The following CCSER1 variants were observed in gnomAD, a reference collection of about 807,000 sequenced individuals.
CCSER1 encodes coiled-coil serine rich protein 1.
Under a neutral mutation model 82.0 loss-of-function variants are expected in CCSER1, and 41 were observed. That is an observed-to-expected ratio of 0.50 (90% CI 0.39 to 0.65). The LOEUF (loss-of-function observed/expected upper bound fraction) is 0.65. Ranked by LOEUF, CCSER1 falls within the 30% of genes least tolerant of loss-of-function variation. CCSER1 has a pLI of 0.00. For missense variants in CCSER1, 1,119 were observed against 1,064.2 expected, an observed-to-expected ratio of 1.05 and a Z score of -0.72; for synonymous variants, 414 against 383.9, an observed-to-expected ratio of 1.08 and a Z score of -0.92.
At chr4:90,408,958 A>G (rs979781841) in intron 4 of CCSER1, among the ~76,000 whole-genome samples, 2 of 152,242 alleles carry the variant, frequency 1.3e-5, no homozygotes, top group Non-Finnish European at 2.9e-5. Flanking sequence ...GCTGAAAACC[A>G]CAGCAGGAGA....
At chr4:90,407,955 C>T (rs532236122) in intron 4 of CCSER1, among the ~76,000 whole-genome samples, 36 of 152,250 alleles carry the variant, frequency 2.4e-4, no homozygotes, top group African/African-American at 5.1e-4. Flanking sequence ...ACTTTTCCAA[C>T]GGGCCTAACA....
chr4:90,780,382 A>G, intron 7 of CCSER1: 1 of 1,546,700 alleles, frequency 6.5e-7, no homozygotes, highest in African/African-American at 1.4e-5. Flanking sequence ...AAAATAATTC[A>G]AGCAAAATGC....
intron 1 of CCSER1, among the ~76,000 whole-genome samples, chr4:90,296,805 A>G (rs1732046014): frequency 6.6e-6 from 1 of 152,016 alleles, no homozygotes; most frequent in Non-Finnish European, 1.5e-5. Context: ...ATAGTTGTAG[A>G]TATGCGGCAT....
chr4:90,450,720 AC>A (rs1007201655), intron 4 of CCSER1, among the ~76,000 whole-genome samples: 1 of 151,978 alleles, frequency 6.6e-6, no homozygotes, highest in East Asian at 1.9e-4. Context: ...GTAAGCCCTC[AC>A]CCCCATTCTG....
intron 10 of CCSER1, among the ~76,000 whole-genome samples, chr4:91,403,710 T>C (rs749100850): frequency 1.3e-5 from 2 of 152,232 alleles, no homozygotes; most frequent in Non-Finnish European, 2.9e-5. Context: ...TTGATTTGTG[T>C]ATGTTGAACC....
intron 10 of CCSER1, among the ~76,000 whole-genome samples, chr4:91,551,805 C>T (rs1762173158): frequency 6.6e-6 from 1 of 151,532 alleles, no homozygotes; most frequent in Non-Finnish European, 1.5e-5. Context: ...CATTTACACA[C>T]AAAAGGTCAC....
chr4:91,069,941 C>T (rs978239697), intron 9 of CCSER1, among the ~76,000 whole-genome samples: 2 of 151,312 alleles, frequency 1.3e-5, no homozygotes, highest in Non-Finnish European at 2.9e-5. Flanking sequence ...GTGTTGTTCT[C>T]AATTTATAAT....
intron 6 of CCSER1, among the ~76,000 whole-genome samples, chr4:90,637,263 A>T (rs1186238552): frequency 1.3e-5 from 2 of 152,158 alleles, no homozygotes; most frequent in Non-Finnish European, 2.9e-5. Context: ...GGTGCTCAAG[A>T]GGCCTCAGTT....
At chr4:91,530,459 A>C (rs944253523) in intron 10 of CCSER1, among the ~76,000 whole-genome samples, 1 of 152,088 alleles carries the variant, frequency 6.6e-6, no homozygotes, top group Non-Finnish European at 1.5e-5. Context: ...ATTAACAATG[A>C]ATAAATGGAC....
At chr4:91,091,522 C>T (rs1301644924) in intron 10 of CCSER1, among the ~76,000 whole-genome samples, 2 of 152,186 alleles carry the variant, frequency 1.3e-5, no homozygotes, top group South Asian at 2.1e-4. Flanking sequence ...AAGCTTTTAC[C>T]ACACCAGTCC....
At chr4:90,206,597 G>C (rs1560796864) in intron 1 of CCSER1, among the ~76,000 whole-genome samples, 1 of 152,058 alleles carries the variant, frequency 6.6e-6, no homozygotes, top group Non-Finnish European at 1.5e-5. Flanking sequence ...ATTTGCTGAG[G>C]AGTGTTTTAT....
intron 6 of CCSER1, among the ~76,000 whole-genome samples, chr4:90,647,177 T>C (rs1423312710): frequency 6.6e-6 from 1 of 152,220 alleles, no homozygotes; most frequent in African/African-American, 2.4e-5. Flanking sequence ...GTAACCATTA[T>C]GGTAGTTTAA....
chr4:90,635,208 T>A (rs1001577116), intron 6 of CCSER1, among the ~76,000 whole-genome samples: 4 of 151,748 alleles, frequency 2.6e-5, no homozygotes, highest in African/African-American at 9.7e-5. Flanking sequence ...ATATTATCAA[T>A]ATTTTTAACC....
rs143530159 is a variant in CCSER1, at chr4:90,292,711, A to G, written c.-41-15533A>G. 5.4e-5 allele frequency among the ~76,000 whole-genome samples: 8 copies of G among 149,476 alleles called. No individual in the cohort carries two copies. The East Asian group carries it at 1.6e-3, about 29-fold the overall frequency. On this transcript the variant is annotated intron_variant, in intron 1 of 10. Coordinates refer to ENST00000509176, the MANE Select transcript of CCSER1 (RefSeq NM_001145065.2). ...TGCAATTGTTTGTGGATATACTCAT[A>G]TTTTTTTTTTCCTTTCACCAGACCA...
intron 8 of CCSER1, 65 bp from the exon 9 acceptor site, chr4:90,923,305 A>C (rs921600135): frequency 9.3e-7 from 1 of 1,080,794 alleles, no homozygotes; most frequent in Non-Finnish European, 1.4e-6. Context: ...TAATAAGTGG[A>C]GAATATTAGT....
intron 1 of CCSER1, among the ~76,000 whole-genome samples, chr4:90,205,831 C>A: frequency 6.6e-6 from 1 of 151,946 alleles, no homozygotes; most frequent in Non-Finnish European, 1.5e-5. Flanking sequence ...TGGTCCTGGG[C>A]TTTTTTTGGT....
At chr4:90,280,058 G>A (rs960084284) in intron 1 of CCSER1, among the ~76,000 whole-genome samples, 1 of 151,844 alleles carries the variant, frequency 6.6e-6, no homozygotes, top group Non-Finnish European at 1.5e-5. Flanking sequence ...TCCTTCAGAG[G>A]CCCATGTTAA....
chr4:91,471,078 C>A (rs1374015368), intron 10 of CCSER1, among the ~76,000 whole-genome samples: 1 of 152,132 alleles, frequency 6.6e-6, no homozygotes, highest in African/African-American at 2.4e-5. Context: ...GCTGAAATGA[C>A]ATCTACAGTG....
In CCSER1 at chr4:90,308,934, A is replaced by G; in HGVS notation, c.650A>G (p.Gln217Arg). Residue 217 changes from glutamine to arginine, a missense_variant, in exon 2 of 11, where the codon CAA becomes CGA. Physicochemically the swap from Gln to Arg is conservative, Grantham distance 43. Coordinates refer to ENST00000509176, the MANE Select transcript of CCSER1 (RefSeq NM_001145065.2). ...SEFSLEVTQY[Q>R]EREPVLVRAS... ...TTCTCATTGGAAGTTACACAGTACC[A>G]AGAGAGAGAACCTGTATTAGTAAGA... 1 of 1,613,884 alleles carries G rather than the reference A, an allele frequency of 6.2e-7. No individual in the cohort carries two copies. Among genetic ancestry groups the G allele is most frequent in the Non-Finnish European group, 8.5e-7 (1 of 1,179,842 alleles).
Sources: gnomAD v4.1 joint callset for allele counts (sites outside exome capture counted in the v4.1 genomes callset) on GRCh38, gnomAD v4.1.1 for gene constraint, MANE v1.5 for transcripts, NCBI Gene and HGNC (gene_info 2026-07-23, HGNC 2026-07-21) for gene names.